The following PHLDB2 variants were observed in gnomAD, a reference collection of about 807,000 sequenced individuals.
The protein encoded by PHLDB2 is pleckstrin homology-like domain family B member 2.
Under a neutral mutation model 123.6 loss-of-function variants are expected in PHLDB2, and 71 were observed. The observed-to-expected ratio is 0.57, with a 90% confidence interval of 0.47 to 0.70. The LOEUF is 0.70. Among genes scored for constraint, PHLDB2 ranks in the 30% least tolerant of loss-of-function variants. The pLI is 0.00. For missense variants in PHLDB2, 1,446 were observed against 1,519.5 expected, an observed-to-expected ratio of 0.95 and a Z score of 0.80; for synonymous variants, 547 against 541.6, an observed-to-expected ratio of 1.01 and a Z score of -0.14.
rs369069668 is a variant in PHLDB2, at chr3:111,768,419, G to A, written c.-49+35716G>A. Among the ~76,000 whole-genome samples, 7 of 152,312 alleles carry A rather than the reference G, an allele frequency of 4.6e-5. No individual in the cohort carries two copies. The East Asian group carries it at 9.6e-4, about 21-fold the overall frequency. On this transcript the variant is annotated intron_variant, in intron 1 of 17. Coordinates refer to the PHLDB2 transcript ENST00000393923. ...ACAGCAGACTACTATTATGATGGGT[G>A]TGTAGAGGAGAAAAATGTAAGAGGA...
chr3:111,858,353 T>C (rs1335474558), upstream of PHLDB2, among the ~76,000 whole-genome samples: 1 of 152,120 alleles, frequency 6.6e-6, no homozygotes, highest in Non-Finnish European at 1.5e-5. Context: ...AACTAATGCA[T>C]GCGGAGCTTA....
chr3:111,798,943 A>C (rs1428079053), intron 1 of PHLDB2, among the ~76,000 whole-genome samples: 2 of 152,194 alleles, frequency 1.3e-5, no homozygotes, highest in Non-Finnish European at 2.9e-5. Flanking sequence ...AAGAGGTTTG[A>C]TTGACTCACA....
chr3:111,746,639 T>C (rs1032226818), intron 1 of PHLDB2, among the ~76,000 whole-genome samples: 3 of 152,040 alleles, frequency 2.0e-5, no homozygotes, highest in Non-Finnish European at 4.4e-5. Flanking sequence ...GTGGCACATA[T>C]ATGTAGTCCT....
intron 1 of PHLDB2, chr3:111,778,564 T>C (rs2060308992): frequency 7.3e-6 from 1 of 136,890 alleles, no homozygotes; most frequent in African/African-American, 3.2e-5. Flanking sequence ...TGTAAAATGT[T>C]CAACCCACCC....
At chr3:111,806,562 G>A (rs978261130) in intron 1 of PHLDB2, among the ~76,000 whole-genome samples, 4 of 149,924 alleles carry the variant, frequency 2.7e-5, no homozygotes, top group Non-Finnish European at 5.9e-5. Flanking sequence ...TTGGCTCACT[G>A]CAACCTCTGC....
In PHLDB2 at chr3:111,751,044, G is replaced by C. The variant is rs79315820; in HGVS notation, c.-49+18341G>C. 9.4e-3 allele frequency among the ~76,000 whole-genome samples: 1,431 copies of C among 151,974 alleles called. 20 individuals are homozygous for C. Among genetic ancestry groups the C allele is most frequent in the African/African-American group, 0.032 (1,326 of 41,428 alleles). ...CCCCAAACTGTGTTTTTTAAATGCT[G>C]CAGGTAATCATTTTCATCTGGAAGT... On this transcript the variant is annotated intron_variant, in intron 1 of 17. Transcript: ENST00000393923.
At chr3:111,958,565 G>A in intron 12 of PHLDB2, 1 of 355,828 alleles carries the variant, frequency 2.8e-6, no homozygotes, top group African/African-American at 2.1e-5. Flanking sequence ...TGGTCCCTTG[G>A]CTGTCCCAGG....
chr3:111,953,900 G>A (rs1374595307), intron 11 of PHLDB2, 30 bp from the exon 12 acceptor site: 1 of 1,575,998 alleles, frequency 6.3e-7, no homozygotes, highest in African/African-American at 1.4e-5. Context: ...CCTGCAGCTT[G>A]CCTGAAGTAC....
At chr3:111,896,523 T>G (rs1450246271) in intron 2 of PHLDB2, among the ~76,000 whole-genome samples, 1 of 152,030 alleles carries the variant, frequency 6.6e-6, no homozygotes. Flanking sequence ...ATTTTTGTAT[T>G]TTTAGTAGAG....
chr3:111,808,398 G>A (rs6783431), intron 1 of PHLDB2, among the ~76,000 whole-genome samples: 41,703 of 151,810 alleles, frequency 0.27, 6,138 homozygotes, highest in Non-Finnish European at 0.32. Context: ...ATGTCTGCTC[G>A]GAAAAAGGAG....
intron 1 of PHLDB2, among the ~76,000 whole-genome samples, chr3:111,789,076 A>G (rs769957946): frequency 3.9e-5 from 6 of 152,194 alleles, no homozygotes; most frequent in Non-Finnish European, 8.8e-5. Flanking sequence ...TCACACATCA[A>G]ATCCCTGAGT....
chr3:111,896,431 G>A (rs762582440), intron 2 of PHLDB2, among the ~76,000 whole-genome samples: 4 of 150,930 alleles, frequency 2.7e-5, no homozygotes, highest in East Asian at 2.0e-4. Context: ...TGCAACCTCC[G>A]CCTCCTAAGG....
intron 10 of PHLDB2, 29 bp from the exon 11 acceptor site, chr3:111,952,543 G>T: frequency 6.3e-7 from 1 of 1,595,552 alleles, no homozygotes; most frequent in Non-Finnish European, 8.5e-7. Context: ...GTCAAGTTTT[G>T]CTATTTTGCT....
intron 5 of PHLDB2, among the ~76,000 whole-genome samples, chr3:111,924,484 C>T (rs1181285203): frequency 6.6e-6 from 1 of 152,222 alleles, no homozygotes; most frequent in East Asian, 1.9e-4. Flanking sequence ...CAAACACCTG[C>T]CAAAGAGTGC....
intron 1 of PHLDB2, among the ~76,000 whole-genome samples, chr3:111,835,683 G>A (rs928132173): frequency 5.9e-5 from 9 of 152,222 alleles, no homozygotes; most frequent in Non-Finnish European, 7.3e-5. Flanking sequence ...CTGGGGACAC[G>A]AAAAGGATAG....
chr3:111,964,821 C>G (rs1166560656), intron 13 of PHLDB2, among the ~76,000 whole-genome samples: 2 of 151,754 alleles, frequency 1.3e-5, no homozygotes, highest in African/African-American at 4.8e-5. Context: ...TAAACATTGA[C>G]TATATGAAAA....
At chr3:111,961,749 G>A (rs2071424546) in intron 12 of PHLDB2, among the ~76,000 whole-genome samples, 1 of 152,136 alleles carries the variant, frequency 6.6e-6, no homozygotes, top group Non-Finnish European at 1.5e-5. Flanking sequence ...GTCACTAGGA[G>A]GCATCTTATT....
chr3:111,904,023 T>C (rs963198104), intron 2 of PHLDB2, among the ~76,000 whole-genome samples: 26 of 152,172 alleles, frequency 1.7e-4, no homozygotes, highest in African/African-American at 6.0e-4. Context: ...ACACCTGTAA[T>C]CCCAGCACTT....
chr3:111,855,634 T>TC (rs2064459302), upstream of PHLDB2, among the ~76,000 whole-genome samples: 1 of 105,946 alleles, frequency 9.4e-6, no homozygotes, highest in Non-Finnish European at 2.2e-5. Flanking sequence ...TTTGTCTTTT[T>TC]TTTTTTTTTT....
Sources: allele counts gnomAD v4.1 joint callset (sites outside exome capture counted in the v4.1 genomes callset), GRCh38; gene constraint gnomAD v4.1.1; transcripts MANE v1.5; gene names NCBI Gene and HGNC (gene_info 2026-07-23, HGNC 2026-07-21).